NIBAN1: variants seen among roughly 807,000 people sequenced by gnomAD.
NIBAN1 encodes the protein protein Niban 1.
A neutral mutation model predicts 75.1 loss-of-function variants in NIBAN1; 81 were observed. The observed-to-expected ratio is 1.08, with a 90% CI of 0.90 to 1.30. NIBAN1 has a LOEUF of 1.30. Ranked by LOEUF, NIBAN1 falls within the 50% of genes most tolerant of loss-of-function variation. NIBAN1 has a pLI of 0.00. For missense variants in NIBAN1, 1,133 were observed against 1,128.1 expected (o/e 1.00, Z -0.06); for synonymous variants, 436 against 424.8 (o/e 1.03, Z -0.32).
chr1:184,861,961 A>G (rs1251289695), intron 5 of NIBAN1, among the ~76,000 whole-genome samples: 1 of 152,154 alleles, frequency 6.6e-6, no homozygotes, highest in Admixed American at 6.5e-5. Flanking sequence ...GGCATGCCCC[A>G]ATGTCCTTTT....
chr1:184,966,014 A>G (rs1658777584), intron 1 of NIBAN1, among the ~76,000 whole-genome samples: 1 of 152,214 alleles, frequency 6.6e-6, no homozygotes, highest in Admixed American at 6.5e-5. Context: ...TAAAAGAGAC[A>G]TCTTTTTAAG....
At chr1:184,933,930 C>T (rs577997548) in intron 1 of NIBAN1, among the ~76,000 whole-genome samples, 2 of 152,310 alleles carry the variant, frequency 1.3e-5, no homozygotes, top group South Asian at 4.1e-4. Context: ...AACCAACTGA[C>T]CTCCCTGACA....
intron 5 of NIBAN1, among the ~76,000 whole-genome samples, chr1:184,854,768 T>C (rs1655630678): frequency 1.3e-5 from 2 of 152,328 alleles, no homozygotes; most frequent in South Asian, 2.1e-4. Flanking sequence ...GCTAAAATGC[T>C]TGATGGATTT....
chr1:184,812,167 A>G (rs921722461), intron 9 of NIBAN1, among the ~76,000 whole-genome samples: 1 of 151,908 alleles, frequency 6.6e-6, no homozygotes, highest in Non-Finnish European at 1.5e-5. Context: ...TTCCTTTCCT[A>G]TCTTTTCTGT....
chr1:184,809,565 A>C (rs540208593), intron 9 of NIBAN1, among the ~76,000 whole-genome samples: 1 of 152,064 alleles, frequency 6.6e-6, no homozygotes, highest in East Asian at 1.9e-4. Context: ...TTGTCTTAGG[A>C]GAATATACTA....
chr1:184,798,319 C>T, intron 12 of NIBAN1, 129 bp from the exon 13 acceptor site: 2 of 557,236 alleles, frequency 3.6e-6, no homozygotes, highest in South Asian at 5.1e-5. Context: ...ACCATGTTGG[C>T]CCAGGGGCAA....
chr1:184,879,603 A>C lies in NIBAN1; in HGVS notation c.601+5030T>G, dbSNP rs143445924. 2.6e-4 allele frequency among the ~76,000 whole-genome samples: 39 copies of C among 152,280 alleles called. No homozygotes were observed. The East Asian group carries it at 7.5e-3, about 29-fold the overall frequency. ...ACAGCAAGAAGATCATGTTCAAATA[A>C]ACACACCAAAAAGGATTTGCTCTGT... On this transcript the variant is annotated intron_variant, in intron 5 of 13. Coordinates refer to ENST00000367511, the MANE Select transcript of NIBAN1 (RefSeq NM_052966.4).
intron 3 of NIBAN1, among the ~76,000 whole-genome samples, chr1:184,893,020 C>T (rs1217445892): frequency 2.0e-5 from 3 of 152,176 alleles, no homozygotes; most frequent in Non-Finnish European, 4.4e-5. Flanking sequence ...GATCCACCTG[C>T]CTTGGCCTCC....
intron 1 of NIBAN1, among the ~76,000 whole-genome samples, chr1:184,947,755 G>A (rs906233007): frequency 6.6e-6 from 1 of 152,190 alleles, no homozygotes; most frequent in Admixed American, 6.5e-5. Flanking sequence ...CCAAGGGGTG[G>A]TGCAGAAATT....
intron 1 of NIBAN1, among the ~76,000 whole-genome samples, chr1:184,921,084 G>T (rs927920715): frequency 6.8e-6 from 1 of 147,272 alleles, no homozygotes; most frequent in Non-Finnish European, 1.5e-5. Flanking sequence ...AGCCAATATT[G>T]CACCACTGCA....
intron 1 of NIBAN1, among the ~76,000 whole-genome samples, chr1:184,908,264 T>C (rs1257488858): frequency 6.6e-6 from 1 of 152,156 alleles, no homozygotes; most frequent in Non-Finnish European, 1.5e-5. Flanking sequence ...CTCATGTACT[T>C]ACAGATGCTA....
At position 184,796,110 on chromosome 1, in the gene NIBAN1, A is replaced by T. The variant is rs781196111; in HGVS notation, c.1667-13T>A. 9.0e-5 allele frequency: 135 copies of T among 1,492,700 alleles called. No homozygotes were observed. Among genetic ancestry groups the T allele is most frequent in the Non-Finnish European group, 1.2e-4 (130 of 1,126,834 alleles). The allele number at this position is 1,492,700 out of a possible 1,614,324, so 92.5% of individuals were successfully genotyped here. ...GCTTCCTTTATCACTGAGAGATATCAGAAAACAAAACATGATTTTCTGATT... is the reference window on the plus strand; with the variant it reads ...GCTTCCTTTATCACTGAGAGATATCTGAAAACAAAACATGATTTTCTGATT... On this transcript the variant is annotated splice_polypyrimidine_tract_variant and intron_variant, in intron 13 of 13. Coordinates refer to ENST00000367511, the MANE Select transcript of NIBAN1 (RefSeq NM_052966.4).
chr1:184,913,491 G>A (rs1217808892), intron 1 of NIBAN1, among the ~76,000 whole-genome samples: 2 of 152,012 alleles, frequency 1.3e-5, no homozygotes, highest in Non-Finnish European at 2.9e-5. Flanking sequence ...TTAACAGAAT[G>A]GGAAGAATTA....
At chr1:184,805,173 A>G (rs1320853664) in intron 11 of NIBAN1, among the ~76,000 whole-genome samples, 1 of 152,188 alleles carries the variant, frequency 6.6e-6, no homozygotes, top group Non-Finnish European at 1.5e-5. Flanking sequence ...AAATTCAGAG[A>G]CCACCCCTAG....
At chr1:184,961,366 G>C (rs554591932) in intron 1 of NIBAN1, among the ~76,000 whole-genome samples, 43 of 152,170 alleles carry the variant, frequency 2.8e-4, no homozygotes, top group African/African-American at 9.6e-4. Flanking sequence ...ACCGCGCCCA[G>C]CCTACATGCT....
At chr1:184,947,143 T>C (rs1224924259) in intron 1 of NIBAN1, among the ~76,000 whole-genome samples, 1 of 152,200 alleles carries the variant, frequency 6.6e-6, no homozygotes, top group Non-Finnish European at 1.5e-5. Context: ...AAATGACATG[T>C]AGTCCAAGTC....
At chr1:184,970,169 CA>C (rs540891439) in intron 1 of NIBAN1, among the ~76,000 whole-genome samples, 18,614 of 71,578 alleles carry the variant, frequency 0.26, 2,107 homozygotes, top group African/African-American at 0.48. Flanking sequence ...GACCCTGTCT[CA>C]AAAAAAAAAA....
chr1:184,841,761 T>G (rs491291), intron 5 of NIBAN1, among the ~76,000 whole-genome samples: 88,833 of 151,964 alleles, frequency 0.58, 26,424 homozygotes, highest in African/African-American at 0.68. Context: ...GATGTCAAAA[T>G]TTCCCCTAGA....
intron 9 of NIBAN1, among the ~76,000 whole-genome samples, chr1:184,811,900 C>A (rs1654392020): frequency 6.6e-6 from 1 of 152,182 alleles, no homozygotes. Context: ...AATAATCTGA[C>A]TTGCACTCTT....
Sources: allele counts gnomAD v4.1 joint callset (sites outside exome capture counted in the v4.1 genomes callset), GRCh38; gene constraint gnomAD v4.1.1; transcripts MANE v1.5; gene names NCBI Gene and HGNC (gene_info 2026-07-23, HGNC 2026-07-21).